Variants in NR1H4 observed in about 807,000 individuals in gnomAD.
The protein encoded by NR1H4 is bile acid receptor.
NR1H4 carries 23 observed loss-of-function variants against 58.5 expected under a neutral mutation model. That is an observed-to-expected ratio of 0.39 (90% CI 0.28 to 0.56). The LOEUF (loss-of-function observed/expected upper bound fraction) is 0.56, where lower values mean the gene tolerates loss of function less well. Among genes scored for constraint, NR1H4 ranks in the 20% least tolerant of loss-of-function variants. NR1H4 has a pLI of 0.58. For missense variants in NR1H4, 487 were observed against 576.9 expected (o/e 0.84, Z 1.60); for synonymous variants, 214 against 198.0 (o/e 1.08, Z -0.68).
At chr12:100,486,950 A>G (rs978252681) in intron 1 of NR1H4, among the ~76,000 whole-genome samples, 2 of 152,248 alleles carry the variant, frequency 1.3e-5, no homozygotes, top group East Asian at 3.8e-4. Context: ...TAAATATAAT[A>G]GAATGCTAAT....
At chr12:100,499,816 A>G (rs1205502928) in intron 3 of NR1H4, 2 of 455,706 alleles carry the variant, frequency 4.4e-6, no homozygotes, top group Non-Finnish European at 8.8e-6. Flanking sequence ...TTAATGTGTC[A>G]GATATCAAGC....
intron 9 of NR1H4, among the ~76,000 whole-genome samples, chr12:100,541,284 C>T (rs1463813801): frequency 6.7e-6 from 1 of 150,348 alleles, no homozygotes; most frequent in Non-Finnish European, 1.5e-5. Context: ...CTTTTTTCTT[C>T]CTTTCTTTTT....
At chr12:100,492,214 AC>A (rs1333611231) in intron 1 of NR1H4, among the ~76,000 whole-genome samples, 5 of 152,210 alleles carry the variant, frequency 3.3e-5, no homozygotes, top group Non-Finnish European at 5.9e-5. Context: ...AGCCAAGTGC[AC>A]CTGAAACTCA....
At chr12:100,527,214 C>T (rs1034636923) in intron 4 of NR1H4, among the ~76,000 whole-genome samples, 1 of 152,180 alleles carries the variant, frequency 6.6e-6, no homozygotes, top group East Asian at 1.9e-4. Context: ...ACTAAAAGGA[C>T]AGCATAAGGC....
At chr12:100,561,232 T>TA (rs1955464590) in intron 9 of NR1H4, among the ~76,000 whole-genome samples, 1 of 151,844 alleles carries the variant, frequency 6.6e-6, no homozygotes, top group Non-Finnish European at 1.5e-5. Context: ...CAGTCTCTAC[T>TA]AAAAAATACC....
intron 3 of NR1H4, among the ~76,000 whole-genome samples, chr12:100,496,637 A>G (rs1386674925): frequency 6.6e-6 from 1 of 152,216 alleles, no homozygotes; most frequent in East Asian, 1.9e-4. Flanking sequence ...TGAGTCCACA[A>G]AAATGCTACT....
At chr12:100,537,724 T>A (rs923313457) in intron 8 of NR1H4, among the ~76,000 whole-genome samples, 1 of 152,168 alleles carries the variant, frequency 6.6e-6, no homozygotes, top group East Asian at 1.9e-4. Context: ...TTTTGTTTTG[T>A]TTTGTTTGAG....
At chr12:100,511,240 C>T in intron 4 of NR1H4, 97 bp downstream of exon 4, 1 of 1,477,350 alleles carries the variant, frequency 6.8e-7, no homozygotes, top group Non-Finnish European at 9.4e-7. Flanking sequence ...CAGGCAACTT[C>T]CCATTTTCTC....
In NR1H4 at chr12:100,540,831, G is replaced by C. The variant is rs756151511; in HGVS notation, c.1078+13G>C. On this transcript the variant is annotated intron_variant, in intron 9 of 10. Transcript: ENST00000392986. ...ATTCGAAATAGTGGTAAGTGATTTG[G>C]CTAATGGTAAAAGAGTTTGTTTCTA... is the stretch of plus-strand genomic sequence containing the variant. 6.2e-7 allele frequency: 1 copy of C among 1,613,834 alleles called. No individual in the cohort carries two copies. The highest frequency in any genetic ancestry group is 8.5e-7 in the Non-Finnish European group (1 of 1,179,858).
intron 3 of NR1H4, among the ~76,000 whole-genome samples, chr12:100,496,928 G>C (rs1953728350): frequency 6.6e-6 from 1 of 152,174 alleles, no homozygotes; most frequent in South Asian, 2.1e-4. Context: ...TTTGCTTAAG[G>C]TGAAGGGGAA....
intron 9 of NR1H4, among the ~76,000 whole-genome samples, chr12:100,543,518 C>T (rs1954985936): frequency 6.6e-6 from 1 of 151,696 alleles, no homozygotes; most frequent in Non-Finnish European, 1.5e-5. Flanking sequence ...TTTTGAAAGA[C>T]ATTATGTTGT....
chr12:100,518,791 T>TA (rs1254743317), intron 4 of NR1H4, among the ~76,000 whole-genome samples: 6 of 144,804 alleles, frequency 4.1e-5, no homozygotes, highest in Admixed American at 6.8e-5. Flanking sequence ...CCAATGACTT[T>TA]TTTTTTTTTT....
intron 9 of NR1H4, among the ~76,000 whole-genome samples, chr12:100,545,622 A>T (rs1233088422): frequency 7.4e-6 from 1 of 135,226 alleles, no homozygotes; most frequent in Non-Finnish European, 1.5e-5. Context: ...AGCCTGGGTG[A>T]CAGAGTGAGA....
chr12:100,475,577 G>A (rs1953251564), intron 1 of NR1H4, among the ~76,000 whole-genome samples: 1 of 152,108 alleles, frequency 6.6e-6, no homozygotes, highest in East Asian at 1.9e-4. Context: ...CATTGGTTGT[G>A]AGGCCTTTGT....
At chr12:100,511,951 G>A (rs1197656518) in intron 4 of NR1H4, among the ~76,000 whole-genome samples, 1 of 144,558 alleles carries the variant, frequency 6.9e-6, no homozygotes, top group Non-Finnish European at 1.5e-5. Context: ...TTTTTATTTA[G>A]CCTAGGCATG....
Position 100,511,115 on chromosome 12 carries a change from T to TAAA in NR1H4, c.419_420insAAA (p.Tyr139_Asn140insLys), listed in dbSNP as rs879255644. 6.2e-7 allele frequency: 1 copy of TAAA among 1,614,276 alleles called. No homozygotes were observed. The highest frequency in any genetic ancestry group is 8.5e-7 in the Non-Finnish European group (1 of 1,180,048). ...GAGACAGAGCCTCTGGATACCACTA[T>TAAA]AATGCACTGACCTGTGAGGGGTGTA... On this transcript the variant is annotated inframe_insertion, in exon 4 of 11. Transcript: ENST00000392986.
Position 100,537,013 on chromosome 12 carries a change from A to T in NR1H4, c.897A>T (p.Val299=). The T allele has an allele frequency of 6.2e-7, 1 of 1,607,182 alleles. No individual in the cohort carries two copies. Among genetic ancestry groups the T allele is most frequent in the East Asian group, 2.2e-5 (1 of 44,672 alleles). ...LILTEMATNH[V]QVLVEFTKKL... ...TGACGGAAATGGCAACCAATCATGTACAGGTTCTTGTAGAATTCACAAAAA... is the reference window on the plus strand; with the variant it reads ...TGACGGAAATGGCAACCAATCATGTTCAGGTTCTTGTAGAATTCACAAAAA... Residue 299 remains valine, a synonymous_variant, in exon 8 of 11, where the codon GTA becomes GTT. Coordinates refer to ENST00000392986, the MANE Select transcript of NR1H4 (RefSeq NM_001206979.2).
In NR1H4 at chr12:100,534,925, C is replaced by T; in HGVS notation, c.634C>T (p.Leu212=). The T allele has an allele frequency of 1.2e-6, 2 of 1,614,142 alleles. No homozygotes were observed. The highest frequency in any genetic ancestry group is 1.7e-6 in the Non-Finnish European group (2 of 1,180,026). Residue 212 remains leucine (L), a synonymous_variant, in exon 6 of 11, where the codon CTG becomes TTG. Transcript: ENST00000392986. The stretch of plus-strand genomic sequence containing the variant: ...TGAAATTCAGTGTAAATCTAAGCGA[C>T]TGAGAAAAAATGTGAAGCAGCATGC... ...LTEIQCKSKR[L]RKNVKQHADQ...
At position 100,510,607 on chromosome 12, in the gene NR1H4, TTATATATA is replaced by T. The variant is rs34480475; in HGVS notation, c.80-150_80-143del. On this transcript the variant is annotated intron_variant, in intron 3 of 10. Coordinates refer to ENST00000392986, the MANE Select transcript of NR1H4 (RefSeq NM_001206979.2). ...TGAATTTTTAATTTGTCATTTAATT[TTATATATA>T]TATATATATATATATATATACTCTA... 3.6e-3 allele frequency among the ~76,000 whole-genome samples: 485 copies of T among 133,688 alleles called. 7 individuals carry two copies. The highest frequency in any genetic ancestry group is 0.013 in the African/African-American group (457 of 35,790). The allele number at this position is 133,688 out of a possible 152,430, so 87.7% of individuals were successfully genotyped here.
Sources: gnomAD v4.1 joint callset for allele counts (sites outside exome capture counted in the v4.1 genomes callset) on GRCh38, gnomAD v4.1.1 for gene constraint, MANE v1.5 for transcripts, NCBI Gene and HGNC (gene_info 2026-07-23, HGNC 2026-07-21) for gene names.